DENND5B: variants seen among roughly 807,000 people sequenced by gnomAD.
DENND5B encodes the protein DENN domain-containing protein 5B.
A neutral mutation model predicts 140.6 loss-of-function variants in DENND5B; 34 were observed. That is an observed-to-expected ratio of 0.24 (90% confidence interval 0.18 to 0.32). The LOEUF (loss-of-function observed/expected upper bound fraction) is 0.32, where lower values mean the gene tolerates loss of function less well. DENND5B is among the 10% of genes least tolerant of loss of function. The pLI is 1.00. For synonymous variants in DENND5B, 551 were observed against 562.1 expected (o/e 0.98, Z 0.28); for missense variants, 1,142 against 1,560.2 (o/e 0.73, Z 4.52).
chr12:31,475,017 A>G (rs1945728658), intron 3 of DENND5B, among the ~76,000 whole-genome samples: 1 of 152,186 alleles, frequency 6.6e-6, no homozygotes, highest in Admixed American at 6.5e-5. Flanking sequence ...CTGAAAAAAG[A>G]CTGATGAAAC....
intron 1 of DENND5B, among the ~76,000 whole-genome samples, chr12:31,530,913 T>C (rs1188671316): frequency 6.6e-6 from 1 of 152,194 alleles, no homozygotes; most frequent in African/African-American, 2.4e-5. Context: ...TCATCTCCTA[T>C]TTTACTCTAG....
At chr12:31,441,514 C>T (rs989523841) in intron 7 of DENND5B, among the ~76,000 whole-genome samples, 1 of 149,258 alleles carries the variant, frequency 6.7e-6, no homozygotes, top group Non-Finnish European at 1.5e-5. Flanking sequence ...GACAGGGCCT[C>T]GCTGTGTTGC....
intron 4 of DENND5B, among the ~76,000 whole-genome samples, chr12:31,453,874 C>T: frequency 6.6e-6 from 1 of 151,986 alleles, no homozygotes; most frequent in Non-Finnish European, 1.5e-5. Context: ...TAGCATGGTG[C>T]CTCATGCCTG....
At chr12:31,400,756 T>C (rs1338853247) in intron 15 of DENND5B, among the ~76,000 whole-genome samples, 1 of 152,198 alleles carries the variant, frequency 6.6e-6, no homozygotes, top group Non-Finnish European at 1.5e-5. Context: ...AGTTAAATTA[T>C]TGTTGACTAT....
intron 1 of DENND5B, chr12:31,500,378 A>G (rs1044623874): frequency 3.5e-5 from 16 of 453,980 alleles, no homozygotes; most frequent in African/African-American, 3.0e-4. Context: ...TAAATGACCA[A>G]CTTTAAAAAA....
intron 8 of DENND5B, chr12:31,432,276 T>A: frequency 1.1e-5 from 2 of 177,370 alleles, no homozygotes; most frequent in Non-Finnish European, 2.1e-5. Flanking sequence ...GGGAAGAAAA[T>A]ACAGTAGCCG....
chr12:31,495,194 A>G (rs1565636521), intron 2 of DENND5B, among the ~76,000 whole-genome samples: 1 of 152,154 alleles, frequency 6.6e-6, no homozygotes, highest in Non-Finnish European at 1.5e-5. Flanking sequence ...CAATAAAGTA[A>G]TATCACTGTT....
At chr12:31,586,019 A>C (rs1391659300) in intron 1 of DENND5B, among the ~76,000 whole-genome samples, 1 of 152,198 alleles carries the variant, frequency 6.6e-6, no homozygotes, top group East Asian at 1.9e-4. Context: ...GTACTACGAA[A>C]GAGGCAAAGT....
chr12:31,466,666 C>T (rs376244803), intron 3 of DENND5B, among the ~76,000 whole-genome samples: 1 of 151,388 alleles, frequency 6.6e-6, no homozygotes, highest in East Asian at 2.0e-4. Flanking sequence ...GTACTCCATC[C>T]TGGGCAATAA....
intron 1 of DENND5B, among the ~76,000 whole-genome samples, chr12:31,578,870 G>A (rs1195723816): frequency 6.6e-6 from 1 of 152,148 alleles, no homozygotes; most frequent in Non-Finnish European, 1.5e-5. Flanking sequence ...CTCACTGAAT[G>A]TCATCCTTCT....
At chr12:31,508,834 G>A (rs1947302926) in intron 1 of DENND5B, among the ~76,000 whole-genome samples, 1 of 152,132 alleles carries the variant, frequency 6.6e-6, no homozygotes, top group African/African-American at 2.4e-5. Flanking sequence ...ATCAGGAGGA[G>A]AACAATGACC....
At position 31,418,282 on chromosome 12, in the gene DENND5B, C is replaced by CTTTT. The variant is rs66507414; in HGVS notation, c.2471-2838_2471-2835dup. Reference sequence around the variant, plus strand: ...AAGAAAGCATATCTTTTTTTCTTTTCTTTTTTTTTTTTTTTTGAGATAGGG... The same window carrying CTTTT: ...AAGAAAGCATATCTTTTTTTCTTTTCTTTTTTTTTTTTTTTTTTTTGAGATAGGG... On this transcript the variant is annotated intron_variant, in intron 11 of 20. Coordinates refer to ENST00000389082, the MANE Select transcript of DENND5B (RefSeq NM_144973.4). 3.9e-3 allele frequency among the ~76,000 whole-genome samples: 514 copies of CTTTT among 133,040 alleles called. 24 individuals are homozygous for CTTTT. The highest frequency in any genetic ancestry group is 4.1e-3 in the Non-Finnish European group (263 of 64,456). 87.3% of individuals were successfully genotyped at this position (133,040 alleles called of 152,430 possible).
At chr12:31,567,919 T>C (rs1450492174) in intron 1 of DENND5B, among the ~76,000 whole-genome samples, 1 of 152,206 alleles carries the variant, frequency 6.6e-6, no homozygotes, top group Non-Finnish European at 1.5e-5. Flanking sequence ...AGGCTAGTCA[T>C]GAACTCCTGG....
chr12:31,538,580 A>AAC (rs1948581981), intron 1 of DENND5B, among the ~76,000 whole-genome samples: 1 of 152,156 alleles, frequency 6.6e-6, no homozygotes, highest in Non-Finnish European at 1.5e-5. Context: ...AAATAATAAA[A>AAC]ATCAGGCCAG....
intron 1 of DENND5B, among the ~76,000 whole-genome samples, chr12:31,586,781 T>C (rs1565722657): frequency 6.6e-6 from 1 of 152,160 alleles, no homozygotes; most frequent in Non-Finnish European, 1.5e-5. Context: ...AGAAGTCAAT[T>C]AAGACCTTCT....
intron 18 of DENND5B, 68 bp from the exon 19 acceptor site, chr12:31,392,461 A>C (rs1941197714): frequency 6.3e-7 from 1 of 1,592,638 alleles, no homozygotes; most frequent in Non-Finnish European, 8.5e-7. Flanking sequence ...AACACTAGAG[A>C]AGCAAGTGCT....
At chr12:31,513,807 G>A (rs1947515876) in intron 1 of DENND5B, among the ~76,000 whole-genome samples, 1 of 151,300 alleles carries the variant, frequency 6.6e-6, no homozygotes, top group South Asian at 2.1e-4. Flanking sequence ...AGACCTCTGG[G>A]GTGTCATTGC....
rs185585900 is a variant in DENND5B, at chr12:31,423,540, T to G, written c.2470+57A>C. The stretch of plus-strand genomic sequence containing the variant: ...AGAAAGAGATCAAGACAAGGCCAAA[T>G]AGTATTGAGTCTTCTCAGAGTCCAG... On this transcript the variant is annotated intron_variant, in intron 11 of 20. Transcript: ENST00000389082. The G allele has an allele frequency of 1.2e-5, 18 of 1,555,416 alleles. No individual in the cohort carries two copies. In the African/African-American group the frequency reaches 1.9e-4, roughly 17 times the overall value.
At chr12:31,576,728 AAT>A (rs1555176402) in intron 1 of DENND5B, among the ~76,000 whole-genome samples, 1 of 151,652 alleles carries the variant, frequency 6.6e-6, no homozygotes, top group Non-Finnish European at 1.5e-5. Flanking sequence ...ACAAAAAAAA[AAT>A]GTTTTTTTTA....
Sources: gnomAD v4.1 joint callset for allele counts (sites outside exome capture counted in the v4.1 genomes callset) on GRCh38, gnomAD v4.1.1 for gene constraint, MANE v1.5 for transcripts, NCBI Gene and HGNC (gene_info 2026-07-23, HGNC 2026-07-21) for gene names.